MACROH2A1: variants seen among roughly 807,000 people sequenced by gnomAD.
MACROH2A1 encodes core histone macro-H2A.1.
Under a neutral mutation model 31.6 loss-of-function variants are expected in MACROH2A1, and 2 were observed. The ratio of observed to expected loss-of-function variants is 0.06; its 90% CI spans 0.03 to 0.20. The LOEUF is 0.20. MACROH2A1 is among the 10% of genes least tolerant of loss of function. MACROH2A1 has a pLI of 1.00. For synonymous variants in MACROH2A1, 169 were observed against 189.6 expected (o/e 0.89, Z 0.89); for missense variants, 230 against 474.0 (o/e 0.49, Z 4.78).
chr5:135,335,914 C>T (rs1165596199), intron 8 of MACROH2A1, among the ~76,000 whole-genome samples: 3 of 152,202 alleles, frequency 2.0e-5, no homozygotes, highest in Non-Finnish European at 4.4e-5. Flanking sequence ...AGATGGGCAG[C>T]TTGCCTGGTC....
At chr5:135,371,668 G>A (rs1011617586) in intron 2 of MACROH2A1, among the ~76,000 whole-genome samples, 1 of 152,136 alleles carries the variant, frequency 6.6e-6, no homozygotes, top group African/African-American at 2.4e-5. Flanking sequence ...TTCTTAGTGA[G>A]GCATACGGAT....
intron 8 of MACROH2A1, chr5:135,338,019 G>A (rs1213488403): frequency 1.3e-5 from 15 of 1,167,826 alleles, no homozygotes; most frequent in Non-Finnish European, 1.5e-5. Context: ...CGGAGGTAAC[G>A]GCTTTCCTAA....
intron 6 of MACROH2A1, among the ~76,000 whole-genome samples, chr5:135,352,322 A>T (rs1237355072): frequency 6.6e-6 from 1 of 152,248 alleles, no homozygotes; most frequent in Non-Finnish European, 1.5e-5. Flanking sequence ...TGCCATCTTG[A>T]ACAGGGAGAC....
At chr5:135,374,595 C>T (rs1035789495) in intron 2 of MACROH2A1, among the ~76,000 whole-genome samples, 8 of 152,166 alleles carry the variant, frequency 5.3e-5, no homozygotes, top group African/African-American at 4.8e-5. Flanking sequence ...TGAATGGAGC[C>T]GATGCCTTCC....
intron 1 of MACROH2A1, 85 bp from the exon 2 acceptor site, chr5:135,389,211 C>A: frequency 9.9e-7 from 1 of 1,013,512 alleles, no homozygotes; most frequent in Non-Finnish European, 1.4e-6. Flanking sequence ...CCCTGGAAGG[C>A]CCCAGGCCTG....
At chr5:135,392,361 T>C (rs1187557975) in intron 1 of MACROH2A1, among the ~76,000 whole-genome samples, 1 of 152,220 alleles carries the variant, frequency 6.6e-6, no homozygotes, top group African/African-American at 2.4e-5. Context: ...TCTTCACTTC[T>C]CATTCTGAGT....
At position 135,353,009 on chromosome 5, in the gene MACROH2A1, C is replaced by T. The variant is rs746052559; in HGVS notation, c.625G>A (p.Gly209Ser). The T allele has an allele frequency of 4.3e-6, 7 of 1,609,326 alleles. No individual in the cohort carries two copies. The highest frequency in any genetic ancestry group is 2.2e-5 in the South Asian group (2 of 90,956). Residue 209 changes from glycine (G) to serine (S), a missense_variant, in exon 6 of 9, where the codon GGC (glycine) becomes AGC (serine). Physicochemically the swap from Gly to Ser is moderately conservative, Grantham distance 56 (BLOSUM62 0). Around this residue, in one of 2 missense-constraint regions of MACROH2A1, gnomAD observed 183 missense variants for 319.3 expected, o/e 0.57. Coordinates refer to ENST00000511689, the MANE Select transcript of MACROH2A1 (RefSeq NM_138610.3). Reference sequence around the variant, plus strand: ...TTGATTATGGCCTCCACCTCAAAGCCGGCTAAATTACTGATTTCACTGTGA... The same window carrying T: ...TTGATTATGGCCTCCACCTCAAAGCTGGCTAAATTACTGATTTCACTGTGA... The part of the protein sequence containing the change: ...LIHSEISNLA[G>S]FEVEAIINPT...
chr5:135,360,693 A>T, intron 4 of MACROH2A1, 86 bp from the exon 5 acceptor site: 1 of 913,880 alleles, frequency 1.1e-6, no homozygotes, highest in Non-Finnish European at 1.8e-6. Context: ...CACCCATAAC[A>T]CCCAAGGGGA....
intron 2 of MACROH2A1, among the ~76,000 whole-genome samples, chr5:135,383,100 T>G (rs977015883): frequency 6.6e-6 from 1 of 152,236 alleles, no homozygotes; most frequent in African/African-American, 2.4e-5. Flanking sequence ...GCTGGCCATA[T>G]AATACCACAT....
At chr5:135,360,431 G>T in intron 5 of MACROH2A1, 66 bp downstream of exon 5, 1 of 1,042,854 alleles carries the variant, frequency 9.6e-7, no homozygotes, top group Non-Finnish European at 1.5e-6. Flanking sequence ...GCCTTCCAGT[G>T]GAAGTAGCCT....
At chr5:135,358,706 T>C (rs1762470390) in intron 5 of MACROH2A1, 4 of 931,488 alleles carry the variant, frequency 4.3e-6, no homozygotes, top group Middle Eastern at 5.5e-4. Context: ...TTAAATGATA[T>C]GTTTGTAATT....
At chr5:135,346,120 G>T (rs1478014961) in intron 6 of MACROH2A1, 63 bp from the exon 7 acceptor site, 1 of 943,432 alleles carries the variant, frequency 1.1e-6, no homozygotes, top group Non-Finnish European at 1.8e-6. Context: ...CAGACACTTA[G>T]CATGTCAGGT....
At chr5:135,337,019 G>A (rs1014192705) in intron 8 of MACROH2A1, among the ~76,000 whole-genome samples, 2 of 152,218 alleles carry the variant, frequency 1.3e-5, no homozygotes, top group African/African-American at 2.4e-5. Flanking sequence ...CTGGATCAAC[G>A]GGGGCTGCAG....
At chr5:135,354,822 A>G (rs1761978990) in intron 5 of MACROH2A1, 2 of 340,324 alleles carry the variant, frequency 5.9e-6, no homozygotes, top group African/African-American at 4.3e-5. Flanking sequence ...AATGCTATTT[A>G]CAAAAACTCA....
In MACROH2A1 at chr5:135,393,032, G is replaced by C. The variant is rs3822370; in HGVS notation, c.-33-3906C>G. Among the ~76,000 whole-genome samples, 188 of 152,286 alleles carry C rather than the reference G, an allele frequency of 1.2e-3. 3 individuals carry two copies. In the East Asian group the frequency reaches 0.03, roughly 24 times the overall value. ...CTTGCAGAACAGATCTTGGACATTT[G>C]CGCTGAAGACATTGCTAGCTGCTGT... On this transcript the variant is annotated intron_variant, in intron 1 of 8. Coordinates refer to ENST00000511689, the MANE Select transcript of MACROH2A1 (RefSeq NM_138610.3).
chr5:135,360,454 C>T (rs369056541), intron 5 of MACROH2A1, 43 bp downstream of exon 5: 2 of 1,280,820 alleles, frequency 1.6e-6, no homozygotes, highest in Non-Finnish European at 2.3e-6. Context: ...GCCCACCTGT[C>T]CCTTGGGGCC....
chr5:135,384,037 T>C (rs914529385), intron 2 of MACROH2A1, among the ~76,000 whole-genome samples: 3 of 151,992 alleles, frequency 2.0e-5, no homozygotes, highest in African/African-American at 7.3e-5. Context: ...GATAGGAAGG[T>C]GGTAAAGAGA....
intron 8 of MACROH2A1, chr5:135,337,871 A>G: frequency 1.1e-6 from 1 of 926,184 alleles, no homozygotes; most frequent in African/African-American, 1.8e-5. Flanking sequence ...GTGGGTGAAC[A>G]TGAATCTGGA....
chr5:135,370,184 C>T (rs1164683290), intron 2 of MACROH2A1, 42 bp from the exon 3 acceptor site: 5 of 1,281,506 alleles, frequency 3.9e-6, no homozygotes, highest in Non-Finnish European at 5.6e-6. Flanking sequence ...GTTAGAGGAC[C>T]ATGTGTCCCC....
Sources: allele counts gnomAD v4.1 joint callset (sites outside exome capture counted in the v4.1 genomes callset), GRCh38; gene constraint gnomAD v4.1.1; regional missense constraint gnomAD v4.1.1; transcripts MANE v1.5; gene names NCBI Gene and HGNC (gene_info 2026-07-23, HGNC 2026-07-21).